The following PIK3R5 variants were observed in gnomAD, a reference collection of about 807,000 sequenced individuals.
The protein encoded by PIK3R5 is phosphoinositide-3-kinase regulatory subunit 5.
A neutral mutation model predicts 94.9 loss-of-function variants in PIK3R5; 32 were observed. The observed-to-expected ratio is 0.34, with a 90% CI of 0.25 to 0.45. PIK3R5 has a LOEUF of 0.45. Among genes scored for constraint, PIK3R5 ranks in the 20% least tolerant of loss-of-function variants. The pLI is 1.00. For synonymous variants in PIK3R5, 443 were observed against 479.4 expected, an observed-to-expected ratio of 0.92 and a Z score of 0.99; for missense variants, 853 against 1,144.6, an observed-to-expected ratio of 0.75 and a Z score of 3.68.
rs2090084055 is a variant in PIK3R5 at position 8,893,795 on chromosome 17, C to A, written c.413-140G>T. The A allele has an allele frequency of 3.1e-6, 2 of 651,270 alleles. No homozygotes were observed. Among genetic ancestry groups the A allele is most frequent in the African/African-American group, 1.8e-5 (1 of 55,964 alleles). The allele number at this position is 651,270 out of a possible 1,614,324, so 40.3% of individuals were successfully genotyped here. ...CAGGCGAACCTGCAGAGAAGCTGTT[C>A]TGTGGACCCTCCAGGGTGCCTAGCA... On this transcript the variant is annotated intron_variant, in intron 5 of 18. Coordinates refer to ENST00000447110, the MANE Select transcript of PIK3R5 (RefSeq NM_001142633.3). The surrounding 1 kb of genome is among the most constrained non-coding windows in gnomAD (Gnocchi z 5.1).
Position 8,882,818 on chromosome 17 carries a change from A to G in PIK3R5, c.2206-937T>C, listed in dbSNP as rs2089713527. On this transcript the variant is annotated intron_variant, in intron 15 of 18. Coordinates refer to ENST00000447110, the MANE Select transcript of PIK3R5 (RefSeq NM_001142633.3). This position sits in a 1 kb window ranked among gnomAD's most constrained non-coding sequence, Gnocchi z 4.1. ...GGGCCCTGCTGATTACATCACTCAC[A>G]TCTGTCTCCCATTCCTTTCCAGCTC... 6.6e-6 allele frequency among the ~76,000 whole-genome samples: 1 copy of G among 151,966 alleles called. No individual in the cohort carries two copies. The highest frequency in any genetic ancestry group is 2.4e-5 in the African/African-American group (1 of 41,340).
intron 1 of PIK3R5, among the ~76,000 whole-genome samples, chr17:8,923,149 T>G (rs150850476): frequency 2.1e-3 from 325 of 152,286 alleles, no homozygotes; most frequent in Non-Finnish European, 4.2e-3. Flanking sequence ...TGAGCCACTC[T>G]AGGACACTCT....
At position 8,888,923 on chromosome 17, in the gene PIK3R5, C is replaced by T. The variant is rs1168150178; in HGVS notation, c.896-32G>A. On this transcript the variant is annotated intron_variant, in intron 9 of 18. Coordinates refer to ENST00000447110, the MANE Select transcript of PIK3R5 (RefSeq NM_001142633.3). This position sits in a 1 kb window ranked among gnomAD's most constrained non-coding sequence, Gnocchi z 7.8. ...GGAAGCAAGGCCAGCACTGTCTGGGCGTCTGGGCCCCGGATCCCCTTCTAT... is the reference window on the plus strand; with the variant it reads ...GGAAGCAAGGCCAGCACTGTCTGGGTGTCTGGGCCCCGGATCCCCTTCTAT... 8 of 1,568,430 alleles carry T rather than the reference C, an allele frequency of 5.1e-6. No homozygotes were observed. The highest frequency in any genetic ancestry group is 2.7e-5 in the African/African-American group (2 of 74,236).
chr17:8,919,238 G>A (rs1487170836), intron 1 of PIK3R5, among the ~76,000 whole-genome samples: 1 of 152,218 alleles, frequency 6.6e-6, no homozygotes, highest in Non-Finnish European at 1.5e-5. Flanking sequence ...TCCTGGTTTT[G>A]ATAACTGCAC....
chr17:8,958,362 AATTGAGTTT>A (rs1286472885), intron 1 of PIK3R5, among the ~76,000 whole-genome samples: 2 of 152,168 alleles, frequency 1.3e-5, no homozygotes, highest in African/African-American at 4.8e-5. Flanking sequence ...ACCTTGACCC[AATTGAGTTT>A]ACTCCAGAAA....
At chr17:8,934,533 C>G (rs2091039509) in intron 1 of PIK3R5, among the ~76,000 whole-genome samples, 1 of 152,154 alleles carries the variant, frequency 6.6e-6, no homozygotes. Context: ...AATATCTCAG[C>G]AAACTTTAAA....
At chr17:8,913,693 C>T (rs535419367) in intron 1 of PIK3R5, among the ~76,000 whole-genome samples, 1 of 152,346 alleles carries the variant, frequency 6.6e-6, no homozygotes, top group East Asian at 1.9e-4. Context: ...GCCTGGGTGA[C>T]AGAGCGAGAT....
In PIK3R5 at chr17:8,947,968, G is replaced by A. The variant is rs568768548; in HGVS notation, c.-14+17628C>T. Among the ~76,000 whole-genome samples, 260 of 149,920 alleles carry A rather than the reference G, an allele frequency of 1.7e-3. 1 individual carries two copies. Among genetic ancestry groups the A allele is most frequent in the Non-Finnish European group, 2.9e-3 (196 of 67,630 alleles). On this transcript the variant is annotated intron_variant, in intron 1 of 18. Coordinates refer to ENST00000447110, the MANE Select transcript of PIK3R5 (RefSeq NM_001142633.3). ...TGAAGCAAGAGAATGGTGTGAACCC[G>A]GGAGGCGGAGCTTGCAGTGAGCAAA... is the stretch of plus-strand genomic sequence containing the variant.
intron 1 of PIK3R5, among the ~76,000 whole-genome samples, chr17:8,914,986 A>G (rs566429011): frequency 6.6e-6 from 1 of 152,378 alleles, no homozygotes; most frequent in East Asian, 1.9e-4. Flanking sequence ...AAAGTCACAC[A>G]GCTAGGAGAT....
chr17:8,905,626 C>T (rs1390638559), intron 4 of PIK3R5, 43 bp downstream of exon 4: 1 of 1,484,296 alleles, frequency 6.7e-7, no homozygotes, highest in South Asian at 1.2e-5. Flanking sequence ...TCGCTCCTCC[C>T]CCTCCTCCCT....
At chr17:8,901,750 T>C (rs1169870223) in intron 5 of PIK3R5, among the ~76,000 whole-genome samples, 1 of 152,242 alleles carries the variant, frequency 6.6e-6, no homozygotes, top group African/African-American at 2.4e-5. Flanking sequence ...TCAACATCTT[T>C]TGAGCTCAGT....
intron 1 of PIK3R5, among the ~76,000 whole-genome samples, chr17:8,930,478 A>C (rs950514215): frequency 1.3e-5 from 2 of 152,218 alleles, no homozygotes; most frequent in Admixed American, 1.3e-4. Context: ...AAAATAACAT[A>C]TATTAAAACT....
At position 8,893,547 on chromosome 17, in the gene PIK3R5, T is replaced by G. The variant is rs1264123379; in HGVS notation, c.482+39A>C. ...GTGGAACAGTGCAGGGGTCCCAAAC[T>G]CCCTCCCCACTGTTTCTCCGTCCCC... On this transcript the variant is annotated intron_variant, in intron 6 of 18. Coordinates refer to ENST00000447110, the MANE Select transcript of PIK3R5 (RefSeq NM_001142633.3). This position sits in a 1 kb window ranked among gnomAD's most constrained non-coding sequence, Gnocchi z 5.1. The G allele has an allele frequency of 1.9e-6, 3 of 1,542,264 alleles. No individual in the cohort carries two copies. In the African/African-American group the frequency reaches 4.1e-5, roughly 21 times the overall value.
intron 3 of PIK3R5, among the ~76,000 whole-genome samples, chr17:8,907,603 T>A (rs1371547633): frequency 6.6e-6 from 1 of 150,952 alleles, no homozygotes; most frequent in Admixed American, 6.6e-5. Context: ...ATGCTTTTCC[T>A]GCATTGGTTT....
intron 12 of PIK3R5, among the ~76,000 whole-genome samples, chr17:8,886,865 C>T (rs2089871757): frequency 6.6e-6 from 1 of 152,154 alleles, no homozygotes; most frequent in Non-Finnish European, 1.5e-5. Flanking sequence ...CTGAGGTCCC[C>T]CGGACCCTTC....
At chr17:8,929,821 T>C (rs758354714) in intron 1 of PIK3R5, among the ~76,000 whole-genome samples, 1 of 151,160 alleles carries the variant, frequency 6.6e-6, no homozygotes, top group Non-Finnish European at 1.5e-5. Flanking sequence ...GGGGGAGACA[T>C]GGAAGGGGGT....
At position 8,945,238 on chromosome 17, in the gene PIK3R5, C is replaced by G. The variant is rs963851640; in HGVS notation, c.-14+20358G>C. Among the ~76,000 whole-genome samples the G allele has an allele frequency of 2.6e-5, 4 of 152,178 alleles. No individual in the cohort carries two copies. The highest frequency in any genetic ancestry group is 4.4e-5 in the Non-Finnish European group (3 of 68,032). ...TGGCTTCCTATACACTCAAGAGGCACAGCTAAGGCCTAGGAGTTGTGCCAG... is the reference window on the plus strand; with the variant it reads ...TGGCTTCCTATACACTCAAGAGGCAGAGCTAAGGCCTAGGAGTTGTGCCAG... On this transcript the variant is annotated intron_variant, in intron 1 of 18. Coordinates refer to ENST00000447110, the MANE Select transcript of PIK3R5 (RefSeq NM_001142633.3). This position sits in a 1 kb window ranked among gnomAD's most constrained non-coding sequence, Gnocchi z 4.0.
intron 5 of PIK3R5, among the ~76,000 whole-genome samples, chr17:8,894,904 A>G (rs2090117253): frequency 6.6e-6 from 1 of 152,188 alleles, no homozygotes; most frequent in African/African-American, 2.4e-5. Flanking sequence ...TGGGGTTTAA[A>G]GACAGCTATA....
At chr17:8,898,907 T>C (rs756418903) in intron 5 of PIK3R5, among the ~76,000 whole-genome samples, 1 of 152,218 alleles carries the variant, frequency 6.6e-6, no homozygotes, top group Non-Finnish European at 1.5e-5. Context: ...ATTTCCCATT[T>C]TATAATGAGA....
Sources: allele counts gnomAD v4.1 joint callset (sites outside exome capture counted in the v4.1 genomes callset), GRCh38; gene constraint gnomAD v4.1.1; non-coding constraint Gnocchi (gnomAD v3.1); transcripts MANE v1.5; gene names NCBI Gene and HGNC (gene_info 2026-07-23, HGNC 2026-07-21).